The following BCAS3 variants were observed in gnomAD, a reference collection of about 807,000 sequenced individuals.
BCAS3 encodes BCAS3 microtubule associated cell migration factor, also known as BCAS4/BCAS3 fusion.
A neutral mutation model predicts 116.1 loss-of-function variants in BCAS3; 53 were observed. The ratio of observed to expected loss-of-function variants is 0.46; its 90% CI spans 0.37 to 0.57. BCAS3 has a LOEUF of 0.57. Ranked by LOEUF, BCAS3 falls within the 20% of genes least tolerant of loss-of-function variation. BCAS3 has a pLI of 0.00. For synonymous variants in BCAS3, 391 were observed against 408.2 expected (o/e 0.96, Z 0.51); for missense variants, 917 against 1,165.4 (o/e 0.79, Z 3.10).
chr17:60,975,775 A>T (rs1484200841), intron 14 of BCAS3, among the ~76,000 whole-genome samples: 4 of 152,172 alleles, frequency 2.6e-5, no homozygotes, highest in Non-Finnish European at 5.9e-5. Context: ...CATTTCATAT[A>T]AAATGGAATC....
intron 22 of BCAS3, among the ~76,000 whole-genome samples, chr17:61,172,688 A>G (rs1176388168): frequency 6.7e-6 from 1 of 148,870 alleles, no homozygotes; most frequent in Non-Finnish European, 1.5e-5. Context: ...GCAAGCCTCA[A>G]TAAATCTAAA....
rs182225994 is a variant in BCAS3 at position 61,126,141 on chromosome 17, A to G, written c.2425+41577A>G. Among the ~76,000 whole-genome samples the G allele has an allele frequency of 4.6e-5, 7 of 152,350 alleles. No homozygotes were observed. The highest frequency in any genetic ancestry group is 3.9e-4 in the East Asian group (2 of 5,188). ...CTTTATCCTTAAAACTAATGTTTCT[A>G]TAACCTCTGACCGAATACAGAAGAT... On this transcript the variant is annotated intron_variant, in intron 22 of 23. Coordinates refer to ENST00000407086, the MANE Select transcript of BCAS3 (RefSeq NM_017679.5). This position sits in a 1 kb window ranked among gnomAD's most constrained non-coding sequence, Gnocchi z 4.6.
At chr17:60,748,172 A>T (rs1334620261) in intron 6 of BCAS3, among the ~76,000 whole-genome samples, 1 of 152,220 alleles carries the variant, frequency 6.6e-6, no homozygotes, top group Non-Finnish European at 1.5e-5. Flanking sequence ...TGTAGCAGCT[A>T]ATCCTCTAAA....
intron 14 of BCAS3, among the ~76,000 whole-genome samples, chr17:60,982,455 A>G (rs971610263): frequency 6.6e-6 from 1 of 152,206 alleles, no homozygotes; most frequent in Non-Finnish European, 1.5e-5. Context: ...CTACAAGTGC[A>G]TCATTGCGCC....
intron 6 of BCAS3, among the ~76,000 whole-genome samples, chr17:60,789,193 G>C (rs1349575983): frequency 6.6e-6 from 1 of 152,136 alleles, no homozygotes; most frequent in Non-Finnish European, 1.5e-5. Context: ...AAAGAGAAGA[G>C]TTGAGATATT....
rs998880523 is a variant in BCAS3 at position 61,004,682 on chromosome 17, G to A, written c.1487-11069G>A. On this transcript the variant is annotated intron_variant, in intron 15 of 23. Coordinates refer to ENST00000407086, the MANE Select transcript of BCAS3 (RefSeq NM_017679.5). The surrounding 1 kb of genome is among the most constrained non-coding windows in gnomAD (Gnocchi z 4.8). ...TAAATGATATTTTGAATTTGGAGGAGGATGAGAAAAGGAAAAGGATTTAAG... is the reference window on the plus strand; with the variant it reads ...TAAATGATATTTTGAATTTGGAGGAAGATGAGAAAAGGAAAAGGATTTAAG... Among the ~76,000 whole-genome samples the A allele has an allele frequency of 2.0e-5, 3 of 151,998 alleles. No individual in the cohort carries two copies. The highest frequency in any genetic ancestry group is 7.2e-5 in the African/African-American group (3 of 41,418).
chr17:60,747,276 T>A lies in BCAS3; in HGVS notation c.400T>A (p.Phe134Ile), dbSNP rs748703955. The change falls in exon 6 of 24, where the codon TTT (phenylalanine) becomes ATT (isoleucine). Residue 134 changes from phenylalanine (F) to isoleucine (I), a missense_variant. Transcript: ENST00000407086. ...RAARILPAPQ[F>I]GAQKCDNFAE... ...GGCTAGAATCTTGCCTGCTCCACAG[T>A]TTGGTGAGTGTAGTCCTTAAGAAAA... The A allele has an allele frequency of 3.1e-6, 5 of 1,611,766 alleles. No homozygotes were observed. Among genetic ancestry groups the A allele is most frequent in the South Asian group, 1.1e-5 (1 of 90,980 alleles).
intron 10 of BCAS3, among the ~76,000 whole-genome samples, chr17:60,900,777 T>G (rs55726810): frequency 6.6e-6 from 1 of 152,072 alleles, no homozygotes; most frequent in Non-Finnish European, 1.5e-5. Flanking sequence ...ATTTCTATAG[T>G]GCAAAATTCT....
chr17:61,311,661 G>A (rs149111746), intron 22 of BCAS3, among the ~76,000 whole-genome samples: 2,922 of 152,246 alleles, frequency 0.019, 43 homozygotes, highest in Middle Eastern at 0.078. Context: ...TTGGGAGGCC[G>A]AGGCGGGCAG....
Position 61,044,461 on chromosome 17 carries a change from A to T in BCAS3, c.2029+3569A>T, listed in dbSNP as rs535398056. Reference sequence around the variant, plus strand: ...GACTCTGTCTCAAAAAAAAAAAAAAAAAAAATATATATATATATGCCATAA... The same window carrying T: ...GACTCTGTCTCAAAAAAAAAAAAAATAAAAATATATATATATATGCCATAA... On this transcript the variant is annotated intron_variant, in intron 19 of 23. Transcript: ENST00000407086. Among the ~76,000 whole-genome samples the T allele has an allele frequency of 2.6e-3, 326 of 127,154 alleles. 12 individuals are homozygous for T. Among genetic ancestry groups the T allele is most frequent in the African/African-American group, 0.014 (284 of 20,990 alleles). 83.4% of individuals were successfully genotyped at this position (127,154 alleles called of 152,430 possible). A position where few individuals can be genotyped will look rare whatever the true frequency, so the allele number is the denominator to read the frequency against.
At chr17:60,705,092 C>T (rs2036939874) in intron 4 of BCAS3, among the ~76,000 whole-genome samples, 1 of 152,106 alleles carries the variant, frequency 6.6e-6, no homozygotes, top group Non-Finnish European at 1.5e-5. Context: ...AGGATCACAC[C>T]ATTGAAGGTG....
At chr17:61,045,531 AAG>A (rs2067970446) in intron 19 of BCAS3, among the ~76,000 whole-genome samples, 1 of 149,216 alleles carries the variant, frequency 6.7e-6, no homozygotes, top group Admixed American at 6.7e-5. Flanking sequence ...AAAAAAAAAA[AAG>A]GCTAGGCGCA....
intron 5 of BCAS3, among the ~76,000 whole-genome samples, chr17:60,720,663 G>A (rs1344947416): frequency 6.6e-6 from 1 of 152,114 alleles, no homozygotes; most frequent in African/African-American, 2.4e-5. Flanking sequence ...TGACAGTATA[G>A]CTATTTACAT....
At chr17:61,116,071 T>A (rs1164121178) in intron 22 of BCAS3, among the ~76,000 whole-genome samples, 1 of 125,710 alleles carries the variant, frequency 8.0e-6, no homozygotes. Context: ...AAGGGGAATA[T>A]CACACTCTGG....
chr17:60,765,200 A>T (rs985340266), intron 6 of BCAS3, among the ~76,000 whole-genome samples: 1 of 152,138 alleles, frequency 6.6e-6, no homozygotes, highest in Admixed American at 6.5e-5. Context: ...ATTTAAGGTT[A>T]ATATTGTTAT....
At chr17:60,712,005 T>G (rs1012422629) in intron 5 of BCAS3, among the ~76,000 whole-genome samples, 1 of 148,564 alleles carries the variant, frequency 6.7e-6, no homozygotes, top group East Asian at 2.0e-4. Flanking sequence ...CTACTAAAAA[T>G]AAAAAAAAAA....
chr17:60,943,717 CT>C (rs1447601322), intron 13 of BCAS3, among the ~76,000 whole-genome samples: 1 of 151,990 alleles, frequency 6.6e-6, no homozygotes, highest in Admixed American at 6.6e-5. Context: ...AGAATATATT[CT>C]AGGTGTTCAA....
At chr17:61,289,958 G>A (rs2052226257) in intron 22 of BCAS3, among the ~76,000 whole-genome samples, 1 of 152,130 alleles carries the variant, frequency 6.6e-6, no homozygotes, top group Non-Finnish European at 1.5e-5. Context: ...CCTTCAAAGT[G>A]TGAGCAAAGC....
chr17:60,701,440 T>C (rs1716719207), intron 4 of BCAS3, among the ~76,000 whole-genome samples: 1 of 152,186 alleles, frequency 6.6e-6, no homozygotes, highest in African/African-American at 2.4e-5. Flanking sequence ...AGAATATAGT[T>C]GACCCTTTAA....
Sources: allele counts gnomAD v4.1 joint callset (sites outside exome capture counted in the v4.1 genomes callset), GRCh38; gene constraint gnomAD v4.1.1; non-coding constraint Gnocchi (gnomAD v3.1); transcripts MANE v1.5; gene names NCBI Gene and HGNC (gene_info 2026-07-23, HGNC 2026-07-21).